WWOX: variants seen among roughly 807,000 people sequenced by gnomAD.
WWOX encodes the protein WW domain-containing oxidoreductase.
WWOX carries 69 observed loss-of-function variants against 46.2 expected under a neutral mutation model. The ratio of observed to expected loss-of-function variants is 1.49; its 90% confidence interval spans 1.23 to 1.82. The LOEUF (loss-of-function observed/expected upper bound fraction) is 1.82, where lower values mean the gene tolerates loss of function less well. Ranked by LOEUF, WWOX falls within the 40% of genes most tolerant of loss-of-function variation. The probability of loss-of-function intolerance (pLI) is 0.00; values close to 1 mark genes in which losing one functional copy is unlikely to be tolerated. For synonymous variants in WWOX, 359 were observed against 202.6 expected (o/e 1.77, Z -6.56); for missense variants, 919 against 542.6 (o/e 1.69, Z -6.89).
chr16:78,775,678 G>T (rs563325956), intron 8 of WWOX, among the ~76,000 whole-genome samples: 5 of 152,166 alleles, frequency 3.3e-5, no homozygotes, highest in Non-Finnish European at 4.4e-5. Context: ...TAGTAATATG[G>T]TGCGAGCAAT....
intron 8 of WWOX, among the ~76,000 whole-genome samples, chr16:78,669,629 C>G (rs1407218382): frequency 1.3e-5 from 2 of 152,192 alleles, no homozygotes; most frequent in Non-Finnish European, 2.9e-5. Context: ...GAGTCAGTTT[C>G]AGATATCCAA....
At chr16:78,753,767 A>C (rs947163536) in intron 8 of WWOX, among the ~76,000 whole-genome samples, 11 of 139,670 alleles carry the variant, frequency 7.9e-5, no homozygotes, top group African/African-American at 2.9e-4. Context: ...ACACCACTGC[A>C]GTCAAGCCTG....
chr16:78,593,994 CTATT>C (rs945761091), intron 8 of WWOX, among the ~76,000 whole-genome samples: 5 of 152,150 alleles, frequency 3.3e-5, no homozygotes, highest in Admixed American at 1.3e-4. Context: ...ATTAGAAACA[CTATT>C]TAAGTCTCAG....
intron 8 of WWOX, among the ~76,000 whole-genome samples, chr16:78,549,674 C>G (rs2044130505): frequency 6.6e-6 from 1 of 152,086 alleles, no homozygotes; most frequent in Admixed American, 6.5e-5. Context: ...GGCAAGGAAA[C>G]AAAACTGAAC....
chr16:78,298,067 TCTC>T (rs1014228951), intron 5 of WWOX, among the ~76,000 whole-genome samples: 11 of 152,170 alleles, frequency 7.2e-5, no homozygotes, highest in African/African-American at 2.4e-4. Context: ...CTCTGTTTCT[TCTC>T]CTTCTTGCCA....
At chr16:78,515,919 C>T (rs979275252) in intron 8 of WWOX, among the ~76,000 whole-genome samples, 2 of 152,084 alleles carry the variant, frequency 1.3e-5, no homozygotes, top group African/African-American at 4.8e-5. Context: ...AATTTTGTTA[C>T]GTGTTGTTAG....
intron 8 of WWOX, among the ~76,000 whole-genome samples, chr16:78,820,512 C>T (rs112820346): frequency 6.6e-6 from 1 of 152,030 alleles, no homozygotes; most frequent in Non-Finnish European, 1.5e-5. Flanking sequence ...TAGAGTTGGC[C>T]ATTGCCCACT....
chr16:78,818,063 A>G (rs555467729), intron 8 of WWOX, among the ~76,000 whole-genome samples: 220 of 152,312 alleles, frequency 1.4e-3, no homozygotes, highest in African/African-American at 5.1e-3. Flanking sequence ...TTATGAAGCT[A>G]AAAGGGCCCA....
At chr16:78,467,805 T>G (rs941841614) in intron 8 of WWOX, among the ~76,000 whole-genome samples, 7 of 152,230 alleles carry the variant, frequency 4.6e-5, no homozygotes, top group African/African-American at 1.7e-4. Flanking sequence ...ACTTAGAATT[T>G]GGAAGAACAT....
intron 5 of WWOX, among the ~76,000 whole-genome samples, chr16:78,290,074 T>C (rs2079835092): frequency 6.6e-6 from 1 of 152,190 alleles, no homozygotes; most frequent in East Asian, 1.9e-4. Flanking sequence ...ATTTTTGATT[T>C]ATATATCCCT....
chr16:78,246,464 C>A (rs959958656), intron 5 of WWOX, among the ~76,000 whole-genome samples: 1 of 152,110 alleles, frequency 6.6e-6, no homozygotes, highest in South Asian at 2.1e-4. Flanking sequence ...ACCTGTTGGT[C>A]CCCTCATAAA....
intron 8 of WWOX, among the ~76,000 whole-genome samples, chr16:78,468,046 T>C (rs1597127155): frequency 6.6e-6 from 1 of 152,272 alleles, no homozygotes; most frequent in South Asian, 2.1e-4. Flanking sequence ...AAATTCTCTC[T>C]GCTCTTTTCC....
In WWOX at chr16:78,681,390, C is replaced by G. The variant is rs56317069; in HGVS notation, c.1056+248638C>G. On this transcript the variant is annotated intron_variant, in intron 8 of 8. Transcript: ENST00000566780. Reference sequence around the variant, plus strand: ...CTATACATCAGTCTGGGTGACAGAGCGAGACTCTGTCTCAAAAAACCAAAA... The same window carrying G: ...CTATACATCAGTCTGGGTGACAGAGGGAGACTCTGTCTCAAAAAACCAAAA... Among the ~76,000 whole-genome samples, 357 of 152,160 alleles carry G rather than the reference C, an allele frequency of 2.3e-3. 2 individuals carry two copies. The highest frequency in any genetic ancestry group is 3.9e-3 in the Non-Finnish European group (267 of 67,990).
At chr16:79,162,644 C>G (rs560019012) in intron 8 of WWOX, among the ~76,000 whole-genome samples, 2 of 152,306 alleles carry the variant, frequency 1.3e-5, no homozygotes, top group Admixed American at 1.3e-4. Flanking sequence ...TGGACCATGT[C>G]TTCTGCTTTC....
chr16:78,182,614 G>C (rs1406490744), intron 5 of WWOX, among the ~76,000 whole-genome samples: 1 of 151,836 alleles, frequency 6.6e-6, no homozygotes, highest in East Asian at 1.9e-4. Flanking sequence ...TCTTCTCTGG[G>C]TCAGGTAGAG....
At chr16:78,361,260 C>G (rs1030344754) in intron 5 of WWOX, among the ~76,000 whole-genome samples, 1 of 152,128 alleles carries the variant, frequency 6.6e-6, no homozygotes, top group Non-Finnish European at 1.5e-5. Flanking sequence ...GATGTGGTGT[C>G]TTTCTTAGTA....
At chr16:78,537,360 T>C (rs1291325956) in intron 8 of WWOX, among the ~76,000 whole-genome samples, 2 of 152,234 alleles carry the variant, frequency 1.3e-5, no homozygotes, top group Non-Finnish European at 2.9e-5. Flanking sequence ...GATGAAGGGT[T>C]AGGAAGATGT....
Position 78,104,621 on chromosome 16 carries a change from A to G in WWOX, c.108-3802A>G, listed in dbSNP as rs561914508. The stretch of plus-strand genomic sequence containing the variant: ...AGATTACTCTTAATTATCTTTTTAA[A>G]TGACAAGCTCGTTGAAAGAATAAAA... On this transcript the variant is annotated intron_variant, in intron 1 of 8. Coordinates refer to ENST00000566780, the MANE Select transcript of WWOX (RefSeq NM_016373.4). Among the ~76,000 whole-genome samples, 266 of 152,336 alleles carry G rather than the reference A, an allele frequency of 1.7e-3. 1 individual carries two copies. Among genetic ancestry groups the G allele is most frequent in the Non-Finnish European group, 2.9e-3 (194 of 68,030 alleles).
chr16:78,465,499 G>C (rs756744947), intron 8 of WWOX, among the ~76,000 whole-genome samples: 1 of 152,166 alleles, frequency 6.6e-6, no homozygotes, highest in African/African-American at 2.4e-5. Flanking sequence ...GTTTGTTAAA[G>C]AACTGTCTGT....
Sources: gnomAD v4.1 joint callset for allele counts (sites outside exome capture counted in the v4.1 genomes callset) on GRCh38, gnomAD v4.1.1 for gene constraint, MANE v1.5 for transcripts, NCBI Gene and HGNC (gene_info 2026-07-23, HGNC 2026-07-21) for gene names.